PIEZO2: variants seen among roughly 807,000 people sequenced by gnomAD.
PIEZO2 encodes the protein piezo-type mechanosensitive ion channel component 2.
A neutral mutation model predicts 337.3 loss-of-function variants in PIEZO2; 172 were observed. That is an observed-to-expected ratio of 0.51 (90% confidence interval 0.45 to 0.58). PIEZO2 has a LOEUF of 0.58. Among genes scored for constraint, PIEZO2 ranks in the 20% least tolerant of loss-of-function variants. The pLI is 0.00. For synonymous variants in PIEZO2, 1,251 were observed against 1,228.5 expected, an observed-to-expected ratio of 1.02 and a Z score of -0.38; for missense variants, 3,028 against 3,391.3, an observed-to-expected ratio of 0.89 and a Z score of 2.66.
At chr18:10,817,182 A>G (rs2040388406) in intron 7 of PIEZO2, among the ~76,000 whole-genome samples, 1 of 152,198 alleles carries the variant, frequency 6.6e-6, no homozygotes, top group African/African-American at 2.4e-5. Flanking sequence ...CTAATATTTT[A>G]CCTGCTATTT....
chr18:10,704,329 A>T lies in PIEZO2; in HGVS notation c.6258+65T>A. 6.0e-6 allele frequency: 9 copies of T among 1,507,798 alleles called. No individual in the cohort carries two copies. In the South Asian group the frequency reaches 1.0e-4, roughly 17 times the overall value. The allele number at this position is 1,507,798 out of a possible 1,614,324, so 93.4% of individuals were successfully genotyped here. ...CCGTCTCAAGAGAGGGCACAGGGAC[A>T]CAAGGTATGCTTCCCCTTGCATAGC... is the stretch of plus-strand genomic sequence containing the variant. On this transcript the variant is annotated intron_variant, in intron 42 of 55. Transcript: ENST00000674853.
At chr18:11,113,121 C>A (rs1311805481) in intron 1 of PIEZO2, among the ~76,000 whole-genome samples, 1 of 152,180 alleles carries the variant, frequency 6.6e-6, no homozygotes, top group East Asian at 1.9e-4. Context: ...TTGACCTGGG[C>A]TTTATGCTCC....
chr18:10,934,636 CGTGTGTGTGTGTGTGTGTGT>C (rs59190236), intron 3 of PIEZO2, among the ~76,000 whole-genome samples: 4 of 130,736 alleles, frequency 3.1e-5, no homozygotes, highest in South Asian at 2.7e-4. Context: ...ATTGTGTGTA[CGTGTGTGTGTGTGTGTGTGT>C]GTGTGTGTGT....
At chr18:11,036,917 A>T (rs1235044467) in intron 2 of PIEZO2, among the ~76,000 whole-genome samples, 1 of 152,176 alleles carries the variant, frequency 6.6e-6, no homozygotes, top group Non-Finnish European at 1.5e-5. Context: ...ACGTGGACCC[A>T]GGCACTTCAT....
At position 10,940,584 on chromosome 18, in the gene PIEZO2, C is replaced by A. The variant is rs1241351179; in HGVS notation, c.287-29356G>T. On this transcript the variant is annotated intron_variant, in intron 3 of 55. Transcript: ENST00000674853. The surrounding 1 kb of genome is among the most constrained non-coding windows in gnomAD (Gnocchi z 5.3). ...GTTCACATGTCTAAAAGAATTCAGG[C>A]CGGGCACTGCTGCTCATGCCTGTAA... 1.3e-5 allele frequency among the ~76,000 whole-genome samples: 2 copies of A among 152,178 alleles called. No individual in the cohort carries two copies. Among genetic ancestry groups the A allele is most frequent in the African/African-American group, 4.8e-5 (2 of 41,434 alleles).
intron 2 of PIEZO2, among the ~76,000 whole-genome samples, chr18:11,018,612 C>G (rs2036207552): frequency 6.6e-6 from 1 of 152,106 alleles, no homozygotes; most frequent in Non-Finnish European, 1.5e-5. Context: ...TGTGAACACA[C>G]ATGTATGCCT....
intron 5 of PIEZO2, among the ~76,000 whole-genome samples, chr18:10,864,644 A>G (rs994378643): frequency 3.5e-4 from 53 of 152,244 alleles, no homozygotes; most frequent in Non-Finnish European, 8.8e-5. Context: ...ATAAAAAAGC[A>G]TCCTTCTCTG....
At chr18:10,883,028 A>G (rs890967554) in intron 4 of PIEZO2, among the ~76,000 whole-genome samples, 1 of 151,780 alleles carries the variant, frequency 6.6e-6, no homozygotes, top group Admixed American at 6.6e-5. Context: ...TGGTAGAGAC[A>G]TGGTTTCACC....
chr18:10,997,431 C>T lies in PIEZO2; in HGVS notation c.161-17771G>A, dbSNP rs563583476. On this transcript the variant is annotated intron_variant, in intron 2 of 55. Coordinates refer to ENST00000674853, the MANE Select transcript of PIEZO2 (RefSeq NM_001378183.1). ...CAATAGAAAAGACAATCAACAGATGCCAACCCTGTAATTACACAACTGTTG... is the reference window on the plus strand; with the variant it reads ...CAATAGAAAAGACAATCAACAGATGTCAACCCTGTAATTACACAACTGTTG... 1.1e-4 allele frequency among the ~76,000 whole-genome samples: 17 copies of T among 152,140 alleles called. No individual in the cohort carries two copies. The South Asian group carries it at 3.5e-3, about 32-fold the overall frequency.
At chr18:10,806,182 C>T (rs72986097) in intron 8 of PIEZO2, among the ~76,000 whole-genome samples, 45,278 of 151,932 alleles carry the variant, frequency 0.3, 7,210 homozygotes, top group Middle Eastern at 0.37. Context: ...AGAAGTGATT[C>T]GGAGGAGGGG....
intron 36 of PIEZO2, among the ~76,000 whole-genome samples, chr18:10,719,007 A>T (rs572167477): frequency 0.02 from 2,907 of 146,632 alleles, 108 homozygotes; most frequent in African/African-American, 0.075. Context: ...ATAAATAAAT[A>T]AATAAATAAA....
chr18:10,705,422 C>A lies in PIEZO2; in HGVS notation c.5913G>T (p.Pro1971=), dbSNP rs751058853. Reference sequence around the variant, plus strand: ...CCAGCTTGTCGGTGCGGCTGTCGTCCGGGCTGACTGCCATACGGTTCTTGC... The same window carrying A: ...CCAGCTTGTCGGTGCGGCTGTCGTCAGGGCTGACTGCCATACGGTTCTTGC... ...SAGKNRMAVS[P]DDSRTDKLGS... is the part of the protein sequence containing the mutation. The change falls in exon 41 of 56, where the codon CCG becomes CCT. Residue 1971 remains proline, a synonymous_variant. Coordinates refer to ENST00000674853, the MANE Select transcript of PIEZO2 (RefSeq NM_001378183.1). 5.2e-6 allele frequency: 8 copies of A among 1,537,128 alleles called. No homozygotes were observed. The African/African-American group carries it at 1.1e-4, about 21-fold the overall frequency.
At position 10,795,356 on chromosome 18, in the gene PIEZO2, T is replaced by A. The variant is rs868841856; in HGVS notation, c.1528-354A>T. On this transcript the variant is annotated intron_variant, in intron 12 of 55. Transcript: ENST00000674853. The surrounding 1 kb of genome is among the most constrained non-coding windows in gnomAD (Gnocchi z 4.4). The stretch of plus-strand genomic sequence containing the variant: ...ATTTTATTTTATTTTATTTTATTAT[T>A]TTATTTTATTTTATTTTATTTTATT... Among the ~76,000 whole-genome samples the A allele has an allele frequency of 3.4e-3, 104 of 30,410 alleles. No homozygotes were observed. Among genetic ancestry groups the A allele is most frequent in the African/African-American group, 8.7e-3 (89 of 10,206 alleles). 20.0% of individuals were successfully genotyped at this position (30,410 alleles called of 152,430 possible).
rs1162802932 is a variant in PIEZO2 at position 11,021,940 on chromosome 18, CAG to C, written c.161-42282_161-42281del. Among the ~76,000 whole-genome samples, 3 of 152,200 alleles carry C rather than the reference CAG, an allele frequency of 2.0e-5. No homozygotes were observed. The highest frequency in any genetic ancestry group is 6.5e-5 in the Admixed American group (1 of 15,284). On this transcript the variant is annotated intron_variant, in intron 2 of 55. Coordinates refer to ENST00000674853, the MANE Select transcript of PIEZO2 (RefSeq NM_001378183.1). The surrounding 1 kb of genome is among the most constrained non-coding windows in gnomAD (Gnocchi z 4.7). ...TGTTCCTAAATCCCTGTGCCCCTTG[CAG>C]AGTCACCACGTGTGAAGGGGATTTG...
At chr18:11,054,647 G>A (rs2037650455) in intron 2 of PIEZO2, among the ~76,000 whole-genome samples, 1 of 152,226 alleles carries the variant, frequency 6.6e-6, no homozygotes. Flanking sequence ...CTAAAAGGCT[G>A]AGGAACCAAG....
Position 10,784,939 on chromosome 18 carries a change from T to C in PIEZO2, c.2337A>G (p.Leu779=). Residue 779 remains leucine, a synonymous_variant, in exon 17 of 56, where the codon TTA becomes TTG. Transcript: ENST00000674853. This position sits in a 1 kb window ranked among gnomAD's most constrained non-coding sequence, Gnocchi z 4.5. ...LKKEKLEDLG[L]KQFTVAELFT... ...ATAGTTCAGCCACAGTAAACTGCTT[T>C]AAGCCAAGATCCTCAAGCCTGCAAA... The C allele has an allele frequency of 6.5e-7, 1 of 1,536,042 alleles. No homozygotes were observed. Among genetic ancestry groups the C allele is most frequent in the Non-Finnish European group, 8.7e-7 (1 of 1,146,456 alleles).
At chr18:10,907,892 T>C (rs770221537) in intron 4 of PIEZO2, among the ~76,000 whole-genome samples, 3 of 152,270 alleles carry the variant, frequency 2.0e-5, no homozygotes, top group Non-Finnish European at 4.4e-5. Context: ...TTTTGTTATG[T>C]AGATATTACT....
chr18:11,036,022 G>C (rs2145785680), intron 2 of PIEZO2, among the ~76,000 whole-genome samples: 1 of 152,286 alleles, frequency 6.6e-6, no homozygotes, highest in Non-Finnish European at 1.5e-5. Context: ...GTCAATACAA[G>C]CAAGGCCTCT....
intron 2 of PIEZO2, among the ~76,000 whole-genome samples, chr18:11,061,610 A>C (rs1390757080): frequency 2.0e-5 from 3 of 151,748 alleles, no homozygotes; most frequent in East Asian, 1.9e-4. Flanking sequence ...TATACACCAA[A>C]AACAGACAAA....
Sources: allele counts gnomAD v4.1 joint callset (sites outside exome capture counted in the v4.1 genomes callset), GRCh38; gene constraint gnomAD v4.1.1; non-coding constraint Gnocchi (gnomAD v3.1); transcripts MANE v1.5; gene names NCBI Gene and HGNC (gene_info 2026-07-23, HGNC 2026-07-21).